CORO2B: variants seen among roughly 807,000 people sequenced by gnomAD.
The protein encoded by CORO2B is coronin-2B.
In CORO2B, 26 loss-of-function variants were observed where a neutral mutation model predicts 58.8. That is an observed-to-expected ratio of 0.44 (90% CI 0.32 to 0.61). The LOEUF is 0.61. CORO2B is among the 20% of genes least tolerant of loss of function. CORO2B has a pLI of 0.04. For synonymous variants in CORO2B, 242 were observed against 253.8 expected (o/e 0.95, Z 0.44); for missense variants, 460 against 645.1 (o/e 0.71, Z 3.11).
At chr15:68,649,743 C>T (rs1001092059) in intron 2 of CORO2B, among the ~76,000 whole-genome samples, 14 of 151,954 alleles carry the variant, frequency 9.2e-5, no homozygotes, top group African/African-American at 3.4e-4. Flanking sequence ...TTTTTTAAGA[C>T]AAAAAAGTTA....
chr15:68,521,155 T>C, the CORO2B span, among the ~76,000 whole-genome samples: 1 of 152,250 alleles, frequency 6.6e-6, no homozygotes, highest in South Asian at 2.1e-4. Flanking sequence ...CTACCATCTT[T>C]ACTATTTGTT....
the CORO2B span, among the ~76,000 whole-genome samples, chr15:68,536,105 G>A: frequency 2.6e-5 from 4 of 152,160 alleles, no homozygotes; most frequent in Non-Finnish European, 5.9e-5. Flanking sequence ...TTGATTCCAG[G>A]ATCATAGCTG....
chr15:68,640,961 G>A (rs1008680785), intron 1 of CORO2B, among the ~76,000 whole-genome samples: 1 of 152,176 alleles, frequency 6.6e-6, no homozygotes, highest in African/African-American at 2.4e-5. Flanking sequence ...AGGGTTCTGT[G>A]TGAAGACTTA....
intron 2 of CORO2B, among the ~76,000 whole-genome samples, chr15:68,665,449 G>A (rs1470855696): frequency 6.6e-6 from 1 of 151,694 alleles, no homozygotes; most frequent in Non-Finnish European, 1.5e-5. Flanking sequence ...CTCAAACGTA[G>A]TTGGCTCTTC....
chr15:68,694,775 C>T (rs1892469712), intron 2 of CORO2B, among the ~76,000 whole-genome samples: 3 of 152,230 alleles, frequency 2.0e-5, no homozygotes. Flanking sequence ...TGTGTGCCAC[C>T]AGGGCTGCTG....
Position 68,674,759 on chromosome 15 carries a change from T to A in CORO2B, c.217-20381T>A, listed in dbSNP as rs146740840. Among the ~76,000 whole-genome samples the A allele has an allele frequency of 2.0e-5, 3 of 152,342 alleles. No homozygotes were observed. In the East Asian group the frequency reaches 5.8e-4, roughly 29 times the overall value. On this transcript the variant is annotated intron_variant, in intron 2 of 11. Coordinates refer to ENST00000261861, the MANE Select transcript of CORO2B (RefSeq NM_006091.5). ...AGTAAGAGTTTGCCCTGATCCCAAC[T>A]ACCTTATTCCCTCTTTCTCCCTCCA...
intron 1 of CORO2B, chr15:68,632,214 C>CACGGCCCATCTGTGCAGGGT: frequency 1.0e-6 from 1 of 985,526 alleles, no homozygotes; most frequent in Non-Finnish European, 1.2e-6. Flanking sequence ...TATTCATCCA[C>CACGGCCCATCTGTGCAGGGT]ACGGCCCATC....
At chr15:68,638,988 T>C (rs1446966270) in intron 1 of CORO2B, among the ~76,000 whole-genome samples, 1 of 151,970 alleles carries the variant, frequency 6.6e-6, no homozygotes, top group African/African-American at 2.4e-5. Context: ...GGTATTCTGG[T>C]GATGAGGAGT....
At chr15:68,715,086 G>A in intron 7 of CORO2B, 129 bp from the exon 8 acceptor site, 1 of 829,638 alleles carries the variant, frequency 1.2e-6, no homozygotes, top group Non-Finnish European at 2.0e-6. Context: ...CTAGAAGCCA[G>A]GTTTCCTTGG....
intron 1 of CORO2B, among the ~76,000 whole-genome samples, chr15:68,634,584 C>T (rs965176967): frequency 1.3e-5 from 2 of 152,206 alleles, no homozygotes; most frequent in Admixed American, 6.5e-5. Context: ...CAATGCCACT[C>T]AGGGACCAAA....
chr15:68,606,447 C>T (rs947117128), intron 1 of CORO2B, among the ~76,000 whole-genome samples: 1 of 152,124 alleles, frequency 6.6e-6, no homozygotes, highest in African/African-American at 2.4e-5. Flanking sequence ...CCTGTGTTCC[C>T]CAGCATAGGG....
intron 1 of CORO2B, among the ~76,000 whole-genome samples, chr15:68,628,372 A>T (rs1702707439): frequency 6.6e-6 from 1 of 152,192 alleles, no homozygotes; most frequent in Non-Finnish European, 1.5e-5. Context: ...ATCCCCTGTG[A>T]TATGGGGAAG....
At chr15:68,682,901 G>C (rs1327933150) in intron 2 of CORO2B, among the ~76,000 whole-genome samples, 2 of 152,210 alleles carry the variant, frequency 1.3e-5, no homozygotes, top group Admixed American at 1.3e-4. Flanking sequence ...CTACAGGAGA[G>C]GTGTGTGGAA....
rs191205203 is a variant in CORO2B at position 68,643,314 on chromosome 15, T to C, written c.16-1846T>C. 8.2e-3 allele frequency among the ~76,000 whole-genome samples: 1,231 copies of C among 150,362 alleles called. 18 individuals carry two copies. Among genetic ancestry groups the C allele is most frequent in the African/African-American group, 0.029 (1,182 of 40,842 alleles). On this transcript the variant is annotated intron_variant, in intron 1 of 11. Transcript: ENST00000261861. Reference sequence around the variant, plus strand: ...TTGGGGAGGGGAGGGGAGAGGCTGGTCTGAGGTCACACAGCCTGGGGAGGA... The same window carrying C: ...TTGGGGAGGGGAGGGGAGAGGCTGGCCTGAGGTCACACAGCCTGGGGAGGA...
chr15:68,613,883 A>G (rs1288679596), intron 1 of CORO2B, among the ~76,000 whole-genome samples: 1 of 152,086 alleles, frequency 6.6e-6, no homozygotes, highest in Non-Finnish European at 1.5e-5. Context: ...AACTGCTGCT[A>G]TTTTTGCTTT....
intron 2 of CORO2B, among the ~76,000 whole-genome samples, chr15:68,652,432 C>T (rs1307898090): frequency 2.6e-5 from 4 of 152,206 alleles, no homozygotes; most frequent in South Asian, 4.1e-4. Flanking sequence ...CCCTTTCCTG[C>T]TGCACTTCAC....
intron 2 of CORO2B, among the ~76,000 whole-genome samples, chr15:68,649,596 T>G (rs1304478098): frequency 6.6e-6 from 1 of 152,214 alleles, no homozygotes; most frequent in Non-Finnish European, 1.5e-5. Flanking sequence ...AACTTTTGTT[T>G]ATATGGGTTA....
In CORO2B at chr15:68,726,002, G is replaced by A. The variant is rs201705107; in HGVS notation, c.*28G>A. 39 of 1,610,140 alleles carry A rather than the reference G, an allele frequency of 2.4e-5. No individual in the cohort carries two copies. Among genetic ancestry groups the A allele is most frequent in the South Asian group, 1.3e-4 (12 of 91,012 alleles). On this transcript the variant is annotated 3_prime_UTR_variant, in exon 12 of 12. Coordinates refer to ENST00000261861, the MANE Select transcript of CORO2B (RefSeq NM_006091.5). ...CCCCAGCTGGGCTGTTTTCTAAGCC[G>A]ATCTCTCCGTCGTTTCTACTCATCC... is the stretch of plus-strand genomic sequence containing the variant.
chr15:68,586,394 G>A (rs1334202466), intron 1 of CORO2B, among the ~76,000 whole-genome samples: 1 of 152,142 alleles, frequency 6.6e-6, no homozygotes, highest in Non-Finnish European at 1.5e-5. Context: ...GTTGAGTCAT[G>A]AAGGATGAGT....
Sources: gnomAD v4.1 joint callset for allele counts (sites outside exome capture counted in the v4.1 genomes callset) on GRCh38, gnomAD v4.1.1 for gene constraint, MANE v1.5 for transcripts, NCBI Gene and HGNC (gene_info 2026-07-23, HGNC 2026-07-21) for gene names.